The following PBX3 variants were observed in gnomAD, a reference collection of about 807,000 sequenced individuals.
PBX3 encodes the protein pre-B-cell leukemia transcription factor 3.
Under a neutral mutation model 48.5 loss-of-function variants are expected in PBX3, and 14 were observed. That is an observed-to-expected ratio of 0.29 (90% CI 0.19 to 0.45). The LOEUF (loss-of-function observed/expected upper bound fraction) is 0.45. PBX3 is among the 20% of genes least tolerant of loss of function. The pLI is 1.00. For synonymous variants in PBX3, 210 were observed against 200.3 expected (o/e 1.05, Z -0.41); for missense variants, 386 against 546.7 (o/e 0.71, Z 2.93).
chr9:125,895,581 A>T (rs1185187732), intron 2 of PBX3, among the ~76,000 whole-genome samples: 2 of 151,944 alleles, frequency 1.3e-5, no homozygotes, highest in South Asian at 4.2e-4. Flanking sequence ...TCATCCACTA[A>T]ATCTGTCCAG....
At chr9:125,825,119 A>G (rs1385876529) in intron 2 of PBX3, among the ~76,000 whole-genome samples, 6 of 152,170 alleles carry the variant, frequency 3.9e-5, no homozygotes, top group Non-Finnish European at 8.8e-5. Context: ...CCTTATCTCT[A>G]CAAGAAATAC....
chr9:125,831,572 T>C (rs982444980), intron 2 of PBX3, among the ~76,000 whole-genome samples: 2 of 152,190 alleles, frequency 1.3e-5, no homozygotes, highest in African/African-American at 4.8e-5. Flanking sequence ...GGAAAGGCAG[T>C]ATAAAATATT....
chr9:125,783,284 CTTCTA>C (rs1398736809), intron 2 of PBX3, among the ~76,000 whole-genome samples: 4 of 151,770 alleles, frequency 2.6e-5, no homozygotes, highest in African/African-American at 9.7e-5. Flanking sequence ...TTTCATTTTC[CTTCTA>C]TTCTTTTTCT....
At chr9:125,833,286 G>A (rs1040785227) in intron 2 of PBX3, among the ~76,000 whole-genome samples, 2 of 152,076 alleles carry the variant, frequency 1.3e-5, no homozygotes, top group African/African-American at 2.4e-5. Flanking sequence ...AGGAGTTTGA[G>A]ACCAGCCTGG....
At chr9:125,913,891 AAATTAAAC>A (rs1161228567) in intron 2 of PBX3, among the ~76,000 whole-genome samples, 1 of 152,200 alleles carries the variant, frequency 6.6e-6, no homozygotes, top group Non-Finnish European at 1.5e-5. Context: ...CAAGAATAAA[AAATTAAAC>A]AATTCAAAGT....
chr9:125,772,263 A>G (rs1836959861), intron 2 of PBX3, among the ~76,000 whole-genome samples: 2 of 152,188 alleles, frequency 1.3e-5, no homozygotes, highest in Non-Finnish European at 2.9e-5. Context: ...TTTCTTTCCA[A>G]TCTTGGATGA....
chr9:125,958,091 A>G (rs1376081034), intron 5 of PBX3, among the ~76,000 whole-genome samples: 3 of 152,196 alleles, frequency 2.0e-5, no homozygotes, highest in African/African-American at 4.8e-5. Context: ...TAATTCTGGT[A>G]TGGATTCTAA....
At chr9:125,838,758 TAGAG>T (rs1457469927) in intron 2 of PBX3, among the ~76,000 whole-genome samples, 4 of 152,200 alleles carry the variant, frequency 2.6e-5, no homozygotes, top group African/African-American at 9.6e-5. Flanking sequence ...TACGAAACAT[TAGAG>T]AGAACAAAGG....
rs1223973881 is a variant in PBX3, at chr9:125,916,263, A to G, written c.516+336A>G. Among the ~76,000 whole-genome samples, 3 of 152,176 alleles carry G rather than the reference A, an allele frequency of 2.0e-5. No individual in the cohort carries two copies. The East Asian group carries it at 5.8e-4, about 29-fold the overall frequency. On this transcript the variant is annotated intron_variant, in intron 3 of 8. Transcript: ENST00000373489. ...AGCTCTGTATAATTAACATTTATGC[A>G]CTAGCCTTGTTCATAAGCTTTAATC... is the stretch of plus-strand genomic sequence containing the variant.
At chr9:125,940,184 C>CA (rs61487031) in intron 5 of PBX3, among the ~76,000 whole-genome samples, 6,932 of 126,212 alleles carry the variant, frequency 0.055, 464 homozygotes, top group African/African-American at 0.17. Context: ...AACTCCGTCT[C>CA]AAAAAAAAAA....
At chr9:125,837,792 G>C (rs746109136) in intron 2 of PBX3, among the ~76,000 whole-genome samples, 2 of 151,846 alleles carry the variant, frequency 1.3e-5, no homozygotes, top group Non-Finnish European at 2.9e-5. Context: ...GGGTTTCACC[G>C]TGTTAGCCAG....
At chr9:125,892,440 T>C (rs530216039) in intron 2 of PBX3, among the ~76,000 whole-genome samples, 5 of 152,182 alleles carry the variant, frequency 3.3e-5, no homozygotes, top group Non-Finnish European at 7.4e-5. Flanking sequence ...ATTTTAAAAA[T>C]ATTTAAATAA....
chr9:125,954,106 G>A (rs1367949704), intron 5 of PBX3, among the ~76,000 whole-genome samples: 3 of 152,106 alleles, frequency 2.0e-5, no homozygotes, highest in African/African-American at 7.2e-5. Flanking sequence ...CTGGTTCATT[G>A]CCCCGAAGTA....
chr9:125,826,976 T>G (rs890612990), intron 2 of PBX3, among the ~76,000 whole-genome samples: 1 of 152,218 alleles, frequency 6.6e-6, no homozygotes, highest in Non-Finnish European at 1.5e-5. Flanking sequence ...GAAATTATAC[T>G]TTTAATCTAA....
At chr9:125,945,172 C>T (rs1434890991) in intron 5 of PBX3, among the ~76,000 whole-genome samples, 1 of 151,416 alleles carries the variant, frequency 6.6e-6, no homozygotes, top group Non-Finnish European at 1.5e-5. Flanking sequence ...TGCAGTGAGC[C>T]GAGATTATGC....
chr9:125,945,873 GGCCCT>G (rs1197443378), intron 5 of PBX3, among the ~76,000 whole-genome samples: 3 of 152,128 alleles, frequency 2.0e-5, no homozygotes, highest in Admixed American at 2.0e-4. Flanking sequence ...TCCTAGTTGA[GGCCCT>G]GGGAATGGAT....
At chr9:125,798,651 AC>A (rs1476675971) in intron 2 of PBX3, among the ~76,000 whole-genome samples, 3 of 152,068 alleles carry the variant, frequency 2.0e-5, no homozygotes, top group African/African-American at 4.8e-5. Flanking sequence ...AAAAAATAGA[AC>A]CTTTAATGTA....
chr9:125,959,311 G>A (rs1842376100), intron 5 of PBX3, among the ~76,000 whole-genome samples: 1 of 152,228 alleles, frequency 6.6e-6, no homozygotes, highest in African/African-American at 2.4e-5. Flanking sequence ...TTCCTGATGG[G>A]CTTTGGCTTG....
chr9:125,857,172 T>A (rs1212487418), intron 2 of PBX3, among the ~76,000 whole-genome samples: 1 of 152,190 alleles, frequency 6.6e-6, no homozygotes, highest in Non-Finnish European at 1.5e-5. Context: ...GCACTTATTG[T>A]TTATAGAGAA....
Sources: gnomAD v4.1 joint callset for allele counts (sites outside exome capture counted in the v4.1 genomes callset) on GRCh38, gnomAD v4.1.1 for gene constraint, MANE v1.5 for transcripts, NCBI Gene and HGNC (gene_info 2026-07-23, HGNC 2026-07-21) for gene names.